AAK1: variants seen among roughly 807,000 people sequenced by gnomAD.
AAK1 encodes AP2-associated protein kinase 1.
In AAK1, 37 loss-of-function variants were observed where a neutral mutation model predicts 116.0. The ratio of observed to expected loss-of-function variants is 0.32; its 90% CI spans 0.25 to 0.42. AAK1 has a LOEUF of 0.42. Among genes scored for constraint, AAK1 ranks in the 10% least tolerant of loss-of-function variants. The pLI, the probability that AAK1 is intolerant of heterozygous loss-of-function variation, is 1.00. For missense variants in AAK1, 919 were observed against 1,170.6 expected, an observed-to-expected ratio of 0.79 and a Z score of 3.14; for synonymous variants, 458 against 439.9, an observed-to-expected ratio of 1.04 and a Z score of -0.51.
intron 2 of AAK1, among the ~76,000 whole-genome samples, chr2:69,591,372 G>A (rs556077982): frequency 6.6e-6 from 1 of 152,132 alleles, no homozygotes. Context: ...AGGTATGGAA[G>A]TATCATTCCT....
intron 17 of AAK1, among the ~76,000 whole-genome samples, chr2:69,485,659 C>T (rs1251563608): frequency 6.9e-6 from 1 of 144,696 alleles, no homozygotes; most frequent in East Asian, 2.0e-4. Context: ...GAAAATCTCT[C>T]TTTTTTTTTT....
intron 2 of AAK1, among the ~76,000 whole-genome samples, chr2:69,622,111 C>T (rs566787074): frequency 3.9e-5 from 6 of 152,350 alleles, no homozygotes; most frequent in East Asian, 3.9e-4. Flanking sequence ...ACCGGGGCTG[C>T]GCAGGGCGCC....
intron 2 of AAK1, among the ~76,000 whole-genome samples, chr2:69,567,258 G>A (rs952002842): frequency 3.9e-5 from 6 of 152,184 alleles, no homozygotes; most frequent in South Asian, 4.1e-4. Flanking sequence ...CAGGCTAAAC[G>A]TTACTTCCTT....
intron 3 of AAK1, among the ~76,000 whole-genome samples, chr2:69,551,910 C>A (rs1188484427): frequency 6.6e-6 from 1 of 152,156 alleles, no homozygotes; most frequent in African/African-American, 2.4e-5. Context: ...GTTCTCTTTG[C>A]GTTTGGATGC....
rs1337718963 is a variant in AAK1 at position 69,459,530 on chromosome 2, C to G, written c.*16339G>C. The G allele has an allele frequency of 6.6e-6, 1 of 152,184 alleles. No homozygotes were observed. 9.4% of individuals were successfully genotyped at this position (152,184 alleles called of 1,614,324 possible). A position where few individuals can be genotyped will look rare whatever the true frequency, so the allele number is the denominator to read the frequency against. On this transcript the variant is annotated 3_prime_UTR_variant, in exon 22 of 22. Transcript: ENST00000409085. The stretch of plus-strand genomic sequence containing the variant: ...CGGCCCAACACAGCCTCCCAGAGTG[C>G]TGGGATTCCAAGTGTGAGCCACCAC...
At chr2:69,525,658 C>T (rs924200755) in intron 9 of AAK1, among the ~76,000 whole-genome samples, 9 of 152,152 alleles carry the variant, frequency 5.9e-5, no homozygotes, top group Admixed American at 5.9e-4. Flanking sequence ...AGTCCACAAG[C>T]CAAGGAGAGT....
At chr2:69,600,572 C>T (rs1190176367) in intron 2 of AAK1, among the ~76,000 whole-genome samples, 2 of 152,080 alleles carry the variant, frequency 1.3e-5, no homozygotes, top group Admixed American at 6.6e-5. Flanking sequence ...CAAACTTGAA[C>T]GGATGGAAGT....
In AAK1 at chr2:69,468,761, C is replaced by T. The variant is rs73934954; in HGVS notation, c.*7108G>A. The T allele has an allele frequency of 5.9e-3, 5,844 of 985,294 alleles. 284 individuals carry two copies. The African/African-American group carries it at 0.094, about 16-fold the overall frequency. 61.0% of individuals were successfully genotyped at this position (985,294 alleles called of 1,614,324 possible). A position where few individuals can be genotyped will look rare whatever the true frequency, so the allele number is the denominator to read the frequency against. ...GAAGTGCTAGATTACATTTTGAGAA[C>T]TAGGAAGTACCAAGGGGTGTGTGTA... is the stretch of plus-strand genomic sequence containing the variant. On this transcript the variant is annotated 3_prime_UTR_variant, in exon 22 of 22. Transcript: ENST00000409085.
In AAK1 at chr2:69,583,481, C is replaced by G. The variant is rs535443953; in HGVS notation, c.164-26503G>C. Among the ~76,000 whole-genome samples the G allele has an allele frequency of 1.6e-4, 25 of 152,272 alleles. 2 individuals are homozygous for G. Among genetic ancestry groups the G allele is most frequent in the Admixed American group, 1.2e-3 (18 of 15,298 alleles). On this transcript the variant is annotated intron_variant, in intron 2 of 21. Coordinates refer to ENST00000409085, the MANE Select transcript of AAK1 (RefSeq NM_014911.5). ...TAGGCACATTTTTGAAACCTGAAGG[C>G]AAAGAGATTTTCTGTTAAAGATTCT...
At chr2:69,515,168 G>A (rs1676533432) in intron 12 of AAK1, among the ~76,000 whole-genome samples, 1 of 152,178 alleles carries the variant, frequency 6.6e-6, no homozygotes, top group Non-Finnish European at 1.5e-5. Context: ...TACCTGAACA[G>A]GATGAAGCAA....
At chr2:69,636,216 G>A (rs928743120) in intron 2 of AAK1, among the ~76,000 whole-genome samples, 1 of 151,074 alleles carries the variant, frequency 6.6e-6, no homozygotes, top group African/African-American at 2.5e-5. Flanking sequence ...AAAAACCTTG[G>A]ATTAAAGATA....
chr2:69,554,535 T>C (rs1671312109), intron 3 of AAK1, among the ~76,000 whole-genome samples: 2 of 152,262 alleles, frequency 1.3e-5, no homozygotes, highest in Admixed American at 6.5e-5. Context: ...TGCCAAAGTT[T>C]ACTGGTGTTT....
Position 69,466,737 on chromosome 2 carries a change from T to G in AAK1, c.*9132A>C, listed in dbSNP as rs913340164. The stretch of plus-strand genomic sequence containing the variant: ...CACAAACTGGAACACAATCAACCAC[T>G]GTCTCACGTTTTGGAACATGATAGG... On this transcript the variant is annotated 3_prime_UTR_variant, in exon 22 of 22. Coordinates refer to ENST00000409085, the MANE Select transcript of AAK1 (RefSeq NM_014911.5). 11 of 985,242 alleles carry G rather than the reference T, an allele frequency of 1.1e-5. No individual in the cohort carries two copies. Among genetic ancestry groups the G allele is most frequent in the African/African-American group, 1.7e-5 (1 of 57,226 alleles). 61.0% of individuals were successfully genotyped at this position (985,242 alleles called of 1,614,324 possible).
At chr2:69,508,977 G>A (rs962966412) in intron 14 of AAK1, among the ~76,000 whole-genome samples, 2 of 152,222 alleles carry the variant, frequency 1.3e-5, no homozygotes, top group African/African-American at 4.8e-5. Context: ...AGTGGGCCAA[G>A]TAGGAAAAGA....
At position 69,473,947 on chromosome 2, in the gene AAK1, T is replaced by G; in HGVS notation, c.*1922A>C. On this transcript the variant is annotated 3_prime_UTR_variant, in exon 22 of 22. Transcript: ENST00000409085. ...GCCCTTCGTGGATATCTTTTGCTTT[T>G]TAATCCTCGGCAGGAAGCTTGTGCC... 1.0e-6 allele frequency: 1 copy of G among 985,862 alleles called. No individual in the cohort carries two copies. The highest frequency in any genetic ancestry group is 1.7e-5 in the African/African-American group (1 of 57,358). The allele number at this position is 985,862 out of a possible 1,614,324, so 61.1% of individuals were successfully genotyped here.
chr2:69,465,280 G>T lies in AAK1; in HGVS notation c.*10589C>A. 1 of 680,482 alleles carries T rather than the reference G, an allele frequency of 1.5e-6. No homozygotes were observed. The highest frequency in any genetic ancestry group is 2.1e-6 in the Non-Finnish European group (1 of 480,836). 42.2% of individuals were successfully genotyped at this position (680,482 alleles called of 1,614,324 possible). ...ACTAAATATCACTGCAACTGAGTTT[G>T]TTGACTCAAGAAATTCTGCTCTGAC... On this transcript the variant is annotated 3_prime_UTR_variant, in exon 22 of 22. Transcript: ENST00000409085.
intron 5 of AAK1, among the ~76,000 whole-genome samples, chr2:69,532,818 T>C (rs1670311005): frequency 6.6e-6 from 1 of 152,232 alleles, no homozygotes; most frequent in Non-Finnish European, 1.5e-5. Flanking sequence ...TTCCTGTTAA[T>C]GTATTGCCCT....
intron 16 of AAK1, among the ~76,000 whole-genome samples, chr2:69,502,729 A>G (rs1371968949): frequency 1.3e-5 from 2 of 152,244 alleles, no homozygotes; most frequent in Non-Finnish European, 2.9e-5. Flanking sequence ...ATTCACTATT[A>G]ATCGAAACAA....
chr2:69,520,743 A>G, intron 11 of AAK1, 91 bp downstream of exon 11: 1 of 1,424,814 alleles, frequency 7.0e-7, no homozygotes, highest in Non-Finnish European at 9.4e-7. Flanking sequence ...TCTGGAGTCC[A>G]ATCCTAAAGC....
Sources: gnomAD v4.1 joint callset for allele counts (sites outside exome capture counted in the v4.1 genomes callset) on GRCh38, gnomAD v4.1.1 for gene constraint, MANE v1.5 for transcripts, NCBI Gene and HGNC (gene_info 2026-07-23, HGNC 2026-07-21) for gene names.